Variants in HS3ST5 observed in about 807,000 individuals in gnomAD.
HS3ST5 encodes the protein heparan sulfate glucosamine 3-O-sulfotransferase 5.
In HS3ST5, 10 loss-of-function variants were observed where a neutral mutation model predicts 25.4. The observed-to-expected ratio is 0.39, with a 90% CI of 0.24 to 0.67. The LOEUF is 0.67. HS3ST5 is among the 30% of genes least tolerant of loss of function. The pLI is 0.44. For missense variants in HS3ST5, 324 were observed against 420.7 expected (o/e 0.77, Z 2.01); for synonymous variants, 170 against 162.4 (o/e 1.05, Z -0.36).
At chr6:114,207,636 T>C (rs2114410769) in intron 2 of HS3ST5, among the ~76,000 whole-genome samples, 1 of 152,186 alleles carries the variant, frequency 6.6e-6, no homozygotes, top group African/African-American at 2.4e-5. Flanking sequence ...CTCTCTCCTT[T>C]AACTGACTTT....
At chr6:114,257,672 C>T (rs1582765292) in intron 1 of HS3ST5, among the ~76,000 whole-genome samples, 2 of 152,294 alleles carry the variant, frequency 1.3e-5, no homozygotes, top group African/African-American at 2.4e-5. Context: ...CTTTTGTCCA[C>T]ACTCCACATC....
At chr6:114,313,680 G>A (rs1775630873) in intron 1 of HS3ST5, among the ~76,000 whole-genome samples, 1 of 152,254 alleles carries the variant, frequency 6.6e-6, no homozygotes, top group Non-Finnish European at 1.5e-5. Flanking sequence ...AAATATACAG[G>A]AGAACTTTCT....
intron 3 of HS3ST5, among the ~76,000 whole-genome samples, chr6:114,082,897 C>T (rs1299416924): frequency 1.3e-5 from 2 of 152,186 alleles, no homozygotes; most frequent in Admixed American, 1.3e-4. Flanking sequence ...CCCTAGCCAA[C>T]AGGGGAACAA....
chr6:114,332,780 A>G (rs989134856), intron 1 of HS3ST5, among the ~76,000 whole-genome samples: 1 of 152,078 alleles, frequency 6.6e-6, no homozygotes, highest in Non-Finnish European at 1.5e-5. Flanking sequence ...AAGGGGCAAG[A>G]AAACAAAGAG....
At chr6:114,193,892 G>A (rs895967311) in intron 2 of HS3ST5, among the ~76,000 whole-genome samples, 1 of 152,134 alleles carries the variant, frequency 6.6e-6, no homozygotes, top group African/African-American at 2.4e-5. Flanking sequence ...CAGCTTCCAA[G>A]TCATATATTC....
In HS3ST5 at chr6:114,150,155, T is replaced by C. The variant is rs569894039; in HGVS notation, c.-33+18196A>G. ...TAGTCTTCTGCTCAATATTGTCACA[T>C]AAATGGTTTTAATTTAAGAATACTT... On this transcript the variant is annotated intron_variant, in intron 3 of 4. Coordinates refer to ENST00000312719, the MANE Select transcript of HS3ST5 (RefSeq NM_153612.4). 2.6e-5 allele frequency among the ~76,000 whole-genome samples: 4 copies of C among 152,388 alleles called. No homozygotes were observed. In the East Asian group the frequency reaches 7.7e-4, roughly 29 times the overall value.
intron 4 of HS3ST5, 79 bp downstream of exon 4, chr6:114,062,660 G>A: frequency 1.2e-6 from 1 of 863,594 alleles, no homozygotes; most frequent in Non-Finnish European, 1.9e-6. Flanking sequence ...CAAGTGGATA[G>A]ACTTAAAATT....
At chr6:114,196,418 G>A (rs989957341) in intron 2 of HS3ST5, among the ~76,000 whole-genome samples, 2 of 152,076 alleles carry the variant, frequency 1.3e-5, no homozygotes, top group Admixed American at 6.6e-5. Context: ...CCGTCCTTCC[G>A]CTGAGTGGGG....
At chr6:114,234,876 G>A (rs755756955) in intron 1 of HS3ST5, among the ~76,000 whole-genome samples, 1 of 152,020 alleles carries the variant, frequency 6.6e-6, no homozygotes, top group Admixed American at 6.5e-5. Flanking sequence ...GGGCCAGGTG[G>A]GGTGGCTAAA....
At chr6:114,176,817 A>G (rs1438993147) in intron 2 of HS3ST5, among the ~76,000 whole-genome samples, 1 of 152,210 alleles carries the variant, frequency 6.6e-6, no homozygotes, top group Non-Finnish European at 1.5e-5. Context: ...TATGTCCTAT[A>G]TACCCGTTCT....
intron 2 of HS3ST5, among the ~76,000 whole-genome samples, chr6:114,177,220 C>T (rs769658732): frequency 9.2e-5 from 14 of 152,032 alleles, no homozygotes; most frequent in Non-Finnish European, 1.5e-4. Context: ...ATAGTTAGGC[C>T]TTTTGAGATG....
chr6:114,180,360 A>T (rs927027606), intron 2 of HS3ST5, among the ~76,000 whole-genome samples: 3 of 152,054 alleles, frequency 2.0e-5, no homozygotes, highest in African/African-American at 2.4e-5. Context: ...AATGCCATAG[A>T]TTGGGTGGCT....
At chr6:114,095,771 C>T (rs998152395) in intron 3 of HS3ST5, among the ~76,000 whole-genome samples, 6 of 152,170 alleles carry the variant, frequency 3.9e-5, no homozygotes, top group African/African-American at 1.4e-4. Context: ...AAAGCAGAAA[C>T]CTGGTTTATC....
chr6:114,086,702 C>T (rs9320478), intron 3 of HS3ST5, among the ~76,000 whole-genome samples: 130,080 of 152,204 alleles, frequency 0.85, 55,894 homozygotes, highest in Non-Finnish European at 0.9. Context: ...GGCATATTTC[C>T]CTATCACCTG....
intron 2 of HS3ST5, among the ~76,000 whole-genome samples, chr6:114,223,671 C>A (rs1430525638): frequency 6.6e-6 from 1 of 151,612 alleles, no homozygotes; most frequent in Non-Finnish European, 1.5e-5. Flanking sequence ...ACGTTTACAG[C>A]CTTATTGGAA....
intron 3 of HS3ST5, among the ~76,000 whole-genome samples, chr6:114,102,945 A>G (rs1213596976): frequency 6.6e-6 from 1 of 152,198 alleles, no homozygotes; most frequent in Non-Finnish European, 1.5e-5. Flanking sequence ...TAGTGACTGT[A>G]AAGAATTTTT....
intron 1 of HS3ST5, among the ~76,000 whole-genome samples, chr6:114,299,184 A>G (rs1774961149): frequency 6.6e-6 from 1 of 152,160 alleles, no homozygotes; most frequent in South Asian, 2.1e-4. Context: ...GGGTGTAGCC[A>G]TCTTCTATGG....
At chr6:114,228,127 G>A (rs1771395655) in intron 2 of HS3ST5, among the ~76,000 whole-genome samples, 2 of 152,080 alleles carry the variant, frequency 1.3e-5, no homozygotes, top group Non-Finnish European at 2.9e-5. Context: ...TTTCTCAAAG[G>A]CCTCAGACTC....
At chr6:114,097,465 C>T (rs1375680866) in intron 3 of HS3ST5, among the ~76,000 whole-genome samples, 6 of 151,972 alleles carry the variant, frequency 3.9e-5, no homozygotes, top group African/African-American at 1.4e-4. Context: ...GGGTATTTAG[C>T]ATCCTTTATA....
Sources: gnomAD v4.1 joint callset for allele counts (sites outside exome capture counted in the v4.1 genomes callset) on GRCh38, gnomAD v4.1.1 for gene constraint, MANE v1.5 for transcripts, NCBI Gene and HGNC (gene_info 2026-07-23, HGNC 2026-07-21) for gene names.